The following FRS2 variants were observed in gnomAD, a reference collection of about 807,000 sequenced individuals.
The protein encoded by FRS2 is fibroblast growth factor receptor substrate 2.
FRS2 carries 8 observed loss-of-function variants against 43.9 expected under a neutral mutation model. That is an observed-to-expected ratio of 0.18 (90% CI 0.11 to 0.33). The LOEUF is 0.33. Ranked by LOEUF, FRS2 falls within the 10% of genes least tolerant of loss-of-function variation. The pLI, the probability that FRS2 is intolerant of heterozygous loss-of-function variation, is 1.00. For synonymous variants in FRS2, 219 were observed against 220.3 expected (o/e 0.99, Z 0.05); for missense variants, 534 against 627.6 (o/e 0.85, Z 1.59).
At position 69,574,467 on chromosome 12, in the gene FRS2, T is replaced by C; in HGVS notation, c.1039T>C (p.Leu347=). The C allele has an allele frequency of 1.2e-6, 2 of 1,613,988 alleles. No homozygotes were observed. Among genetic ancestry groups the C allele is most frequent in the Non-Finnish European group, 1.7e-6 (2 of 1,179,876 alleles). The change falls in exon 9 of 9, where the codon TTA becomes CTA. Residue 347 remains leucine (L), a synonymous_variant. Coordinates refer to ENST00000549921, the MANE Select transcript of FRS2 (RefSeq NM_001278356.2). The stretch of plus-strand genomic sequence containing the variant: ...CTCAGCTCAGAGAAGAACTGCATTA[T>C]TAAACTATGAAAATCTACCATCTTT... The part of the protein sequence containing the change: ...NNSAQRRTAL[L]NYENLPSLPP...
intron 3 of FRS2, among the ~76,000 whole-genome samples, chr12:69,559,449 C>A (rs1310598576): frequency 6.6e-6 from 1 of 151,114 alleles, no homozygotes; most frequent in African/African-American, 2.4e-5. Context: ...ACATTGCCCT[C>A]AGATTAAAAA....
chr12:69,565,669 G>C (rs994890525), intron 4 of FRS2, among the ~76,000 whole-genome samples: 10 of 151,962 alleles, frequency 6.6e-5, no homozygotes, highest in African/African-American at 2.4e-4. Flanking sequence ...GCCTATACAG[G>C]GTGAAAATCA....
In FRS2 at chr12:69,496,584, T is replaced by A. The variant is rs1324517896; in HGVS notation, c.-261+26054T>A. Among the ~76,000 whole-genome samples the A allele has an allele frequency of 9.2e-5, 14 of 152,340 alleles. No homozygotes were observed. The East Asian group carries it at 2.5e-3, about 27-fold the overall frequency. On this transcript the variant is annotated intron_variant, in intron 1 of 8. Transcript: ENST00000549921. ...CCTAGTTTGGGTTTGGTAGAGCTCT[T>A]ACAGGCTTCAGATCAGGTATATATA...
At chr12:69,473,965 C>T (rs1394698550) in intron 1 of FRS2, among the ~76,000 whole-genome samples, 1 of 152,138 alleles carries the variant, frequency 6.6e-6, no homozygotes, top group African/African-American at 2.4e-5. Context: ...GCTTCATCTT[C>T]CCGAATAGCT....
chr12:69,570,321 C>G lies in FRS2; in HGVS notation c.67-10C>G, dbSNP rs368380730. 6.2e-7 allele frequency: 1 copy of G among 1,604,560 alleles called. No individual in the cohort carries two copies. The highest frequency in any genetic ancestry group is 1.3e-5 in the African/African-American group (1 of 74,736). ...GACATATTTGCATGACTGTCACCTTCTTTTTTTAGGTCATTAATGTGGATG... is the reference window on the plus strand; with the variant it reads ...GACATATTTGCATGACTGTCACCTTGTTTTTTTAGGTCATTAATGTGGATG... On this transcript the variant is annotated splice_polypyrimidine_tract_variant and intron_variant, in intron 5 of 8. Coordinates refer to ENST00000549921, the MANE Select transcript of FRS2 (RefSeq NM_001278356.2).
At chr12:69,496,121 A>G (rs1872865361) in intron 1 of FRS2, among the ~76,000 whole-genome samples, 1 of 152,160 alleles carries the variant, frequency 6.6e-6, no homozygotes, top group Non-Finnish European at 1.5e-5. Flanking sequence ...CCTAAAACAT[A>G]TTGTCATGGA....
chr12:69,540,085 C>T (rs1453449554), intron 3 of FRS2, among the ~76,000 whole-genome samples: 1 of 151,778 alleles, frequency 6.6e-6, no homozygotes, highest in Non-Finnish European at 1.5e-5. Context: ...AACCTCGTCT[C>T]TACTAAAAAT....
chr12:69,502,535 C>G (rs1873552003), intron 1 of FRS2, among the ~76,000 whole-genome samples: 1 of 152,030 alleles, frequency 6.6e-6, no homozygotes, highest in Non-Finnish European at 1.5e-5. Flanking sequence ...TGCCCGGCCA[C>G]TGTGATTTTT....
intron 3 of FRS2, among the ~76,000 whole-genome samples, chr12:69,559,955 C>G (rs759195337): frequency 1.8e-4 from 27 of 152,106 alleles, no homozygotes; most frequent in Non-Finnish European, 2.9e-4. Flanking sequence ...AACAAAATTA[C>G]TGTAGTATAA....
chr12:69,574,805 C>T lies in FRS2; in HGVS notation c.1377C>T (p.Pro459=). 7 of 1,614,110 alleles carry T rather than the reference C, an allele frequency of 4.3e-6. No individual in the cohort carries two copies. The highest frequency in any genetic ancestry group is 5.1e-6 in the Non-Finnish European group (6 of 1,180,022). ...NPQTPKTPTT[P]LPQTPTRRTE... ...AGACTCCAAAAACGCCTACAACTCC[C>T]CTTCCACAAACCCCTACCAGGCGCA... Residue 459 remains proline, a synonymous_variant, in exon 9 of 9, where the codon CCC becomes CCT. Transcript: ENST00000549921.
intron 1 of FRS2, among the ~76,000 whole-genome samples, chr12:69,505,008 T>G (rs552886951): frequency 1.3e-5 from 2 of 152,148 alleles, no homozygotes; most frequent in Non-Finnish European, 2.9e-5. Flanking sequence ...TAATTTGTAT[T>G]GTATTGTATT....
chr12:69,529,000 A>C (rs771726153), intron 1 of FRS2, among the ~76,000 whole-genome samples: 20 of 152,242 alleles, frequency 1.3e-4, no homozygotes, highest in Admixed American at 5.2e-4. Flanking sequence ...TAGATGAGGT[A>C]AGAGAGATGG....
intron 1 of FRS2, among the ~76,000 whole-genome samples, chr12:69,471,072 C>T (rs549410417): frequency 3.3e-5 from 5 of 152,014 alleles, no homozygotes; most frequent in Admixed American, 1.3e-4. Flanking sequence ...CAGGGTTGTC[C>T]GGGATCGATT....
rs1231189639 is a variant in FRS2 at position 69,578,259 on chromosome 12, A to G, written c.*3304A>G. On this transcript the variant is annotated 3_prime_UTR_variant, in exon 9 of 9. Coordinates refer to ENST00000549921, the MANE Select transcript of FRS2 (RefSeq NM_001278356.2). ...AGACATACCATCAGAGACATCATTC[A>G]CAAGTAACTGATGTATTGGCATCTC... 2 of 152,628 alleles carry G rather than the reference A, an allele frequency of 1.3e-5. No individual in the cohort carries two copies. Among genetic ancestry groups the G allele is most frequent in the African/African-American group, 4.8e-5 (2 of 41,438 alleles). The allele number at this position is 152,628 out of a possible 1,614,324, so 9.5% of individuals were successfully genotyped here. A position where few individuals can be genotyped will look rare whatever the true frequency, so the allele number is the denominator to read the frequency against.
At chr12:69,545,832 A>G (rs1379568030) in intron 3 of FRS2, among the ~76,000 whole-genome samples, 2 of 151,896 alleles carry the variant, frequency 1.3e-5, no homozygotes, top group Non-Finnish European at 2.9e-5. Context: ...ATAATTTTTG[A>G]CAAGGGTGCC....
At chr12:69,571,524 A>G (rs1880756821) in intron 7 of FRS2, 90 bp downstream of exon 7, 3 of 1,006,128 alleles carry the variant, frequency 3.0e-6, no homozygotes, top group Non-Finnish European at 4.5e-6. Flanking sequence ...AACACACTAG[A>G]AATCACCACT....
intron 1 of FRS2, among the ~76,000 whole-genome samples, chr12:69,502,068 C>T (rs146764921): frequency 2.0e-5 from 3 of 152,144 alleles, no homozygotes; most frequent in Non-Finnish European, 4.4e-5. Flanking sequence ...TGGATTTAAG[C>T]AATTCTTCTG....
At chr12:69,557,626 G>GCGCA (rs758347166) in intron 3 of FRS2, among the ~76,000 whole-genome samples, 18 of 142,350 alleles carry the variant, frequency 1.3e-4, no homozygotes, top group African/African-American at 3.2e-4. Context: ...GTGTGCGCGC[G>GCGCA]CGCGCGCGCG....
At position 69,571,256 on chromosome 12, in the gene FRS2, C is replaced by T. The variant is rs1484542254; in HGVS notation, c.254-20C>T. ...TTAAAGGTATGTTAACTATTTTTCC[C>T]TTTTGGTTTATATTTGTAGGAATCT... On this transcript the variant is annotated intron_variant, in intron 6 of 8. Coordinates refer to ENST00000549921, the MANE Select transcript of FRS2 (RefSeq NM_001278356.2). 1.9e-6 allele frequency: 3 copies of T among 1,546,408 alleles called. No individual in the cohort carries two copies. The highest frequency in any genetic ancestry group is 2.1e-5 in the Admixed American group (1 of 47,420).
Sources: gnomAD v4.1 joint callset for allele counts (sites outside exome capture counted in the v4.1 genomes callset) on GRCh38, gnomAD v4.1.1 for gene constraint, MANE v1.5 for transcripts, NCBI Gene and HGNC (gene_info 2026-07-23, HGNC 2026-07-21) for gene names.